DPYD: variants seen among roughly 807,000 people sequenced by gnomAD.
The protein encoded by DPYD is dihydropyrimidine dehydrogenase.
Under a neutral mutation model 116.2 loss-of-function variants are expected in DPYD, and 109 were observed. That is an observed-to-expected ratio of 0.94 (90% CI 0.80 to 1.10). DPYD has a LOEUF of 1.10. DPYD is among the 50% of genes least tolerant of loss of function. The pLI is 0.00. For missense variants in DPYD, 1,302 were observed against 1,254.5 expected (o/e 1.04, Z -0.57); for synonymous variants, 440 against 432.0 (o/e 1.02, Z -0.23).
intron 3 of DPYD, among the ~76,000 whole-genome samples, chr1:97,757,113 C>T (rs1031193020): frequency 2.0e-5 from 3 of 152,100 alleles, no homozygotes; most frequent in Non-Finnish European, 2.9e-5. Context: ...ATTCATTCAA[C>T]GAATATTGTT....
At chr1:97,267,772 G>A (rs1664329675) in intron 18 of DPYD, among the ~76,000 whole-genome samples, 1 of 151,920 alleles carries the variant, frequency 6.6e-6, no homozygotes, top group Non-Finnish European at 1.5e-5. Flanking sequence ...TGCTTTTGGG[G>A]GACACATTCA....
At chr1:97,848,641 A>C (rs1441770077) in intron 2 of DPYD, among the ~76,000 whole-genome samples, 1 of 152,204 alleles carries the variant, frequency 6.6e-6, no homozygotes, top group Non-Finnish European at 1.5e-5. Context: ...GCTTAATTTG[A>C]TATGAATCAG....
At chr1:97,846,000 C>T (rs1449485251) in intron 2 of DPYD, among the ~76,000 whole-genome samples, 1 of 152,226 alleles carries the variant, frequency 6.6e-6, no homozygotes, top group African/African-American at 2.4e-5. Flanking sequence ...ACCCCACACT[C>T]ACTCACTCAC....
intron 14 of DPYD, among the ~76,000 whole-genome samples, chr1:97,422,388 G>A (rs1674634374): frequency 6.6e-6 from 1 of 152,146 alleles, no homozygotes; most frequent in African/African-American, 2.4e-5. Flanking sequence ...CTTTGAATTA[G>A]AAAGCTAAGG....
At chr1:97,640,912 T>C (rs890789856) in intron 8 of DPYD, among the ~76,000 whole-genome samples, 5 of 152,178 alleles carry the variant, frequency 3.3e-5, no homozygotes, top group Non-Finnish European at 7.4e-5. Context: ...AGATATGACA[T>C]TTAGTATAAG....
chr1:97,151,460 G>C (rs898948736), intron 20 of DPYD, among the ~76,000 whole-genome samples: 1 of 152,076 alleles, frequency 6.6e-6, no homozygotes, highest in Admixed American at 6.6e-5. Context: ...GATCACCTGA[G>C]GTCAGGAGTT....
chr1:97,488,157 A>AT (rs1040493553), intron 13 of DPYD, among the ~76,000 whole-genome samples: 3 of 151,986 alleles, frequency 2.0e-5, no homozygotes, highest in Admixed American at 2.0e-4. Context: ...TATGATGCTT[A>AT]TTTTTTTTAA....
At chr1:97,765,116 A>G (rs1239231236) in intron 3 of DPYD, among the ~76,000 whole-genome samples, 1 of 152,214 alleles carries the variant, frequency 6.6e-6, no homozygotes, top group Non-Finnish European at 1.5e-5. Context: ...AAGCTTAAAA[A>G]TATAAATGCC....
intron 14 of DPYD, among the ~76,000 whole-genome samples, chr1:97,396,643 T>C (rs993109213): frequency 2.6e-5 from 4 of 152,078 alleles, no homozygotes; most frequent in Non-Finnish European, 5.9e-5. Flanking sequence ...TAGGGTAGTA[T>C]TGGCCCTTTA....
chr1:97,308,432 C>T (rs930151717), intron 16 of DPYD: 1 of 151,702 alleles, frequency 6.6e-6, no homozygotes, highest in African/African-American at 2.4e-5. Context: ...AGGGTAAGTA[C>T]AGTTTGGCTA....
chr1:97,558,271 T>A (rs575856198), intron 11 of DPYD, among the ~76,000 whole-genome samples: 145 of 152,298 alleles, frequency 9.5e-4, no homozygotes, highest in African/African-American at 3.4e-3. Flanking sequence ...TAAGTTCAGA[T>A]AACTTATTTA....
intron 20 of DPYD, among the ~76,000 whole-genome samples, chr1:97,173,256 G>T (rs1339347559): frequency 1.4e-5 from 2 of 146,344 alleles, no homozygotes; most frequent in African/African-American, 2.6e-5. Flanking sequence ...GTACATATAT[G>T]CACACATATG....
chr1:97,327,379 T>G (rs1224905109), intron 16 of DPYD, among the ~76,000 whole-genome samples: 1 of 152,052 alleles, frequency 6.6e-6, no homozygotes, highest in Non-Finnish European at 1.5e-5. Context: ...AAGAAACAAC[T>G]ATTTACCATA....
chr1:97,661,990 CT>C (rs374466952), intron 8 of DPYD, among the ~76,000 whole-genome samples: 1,484 of 116,622 alleles, frequency 0.013, 11 homozygotes, highest in African/African-American at 0.033. Flanking sequence ...TCCAAGTCAA[CT>C]TTTTTTTTTT....
chr1:97,341,280 C>T (rs1398730488), intron 16 of DPYD, among the ~76,000 whole-genome samples: 2 of 151,524 alleles, frequency 1.3e-5, no homozygotes, highest in African/African-American at 2.4e-5. Flanking sequence ...CATATACATG[C>T]GGACATGTAT....
At chr1:97,592,075 T>G (rs1296136764) in intron 10 of DPYD, among the ~76,000 whole-genome samples, 1 of 152,208 alleles carries the variant, frequency 6.6e-6, no homozygotes, top group Non-Finnish European at 1.5e-5. Flanking sequence ...AATCTACATA[T>G]GACAAATTAC....
At chr1:97,635,323 GCA>G (rs1657499640) in intron 8 of DPYD, among the ~76,000 whole-genome samples, 1 of 152,062 alleles carries the variant, frequency 6.6e-6, no homozygotes, top group Non-Finnish European at 1.5e-5. Flanking sequence ...CCTTTGTGAG[GCA>G]CAGTCTATTC....
At chr1:97,684,829 G>C (rs1002002597) in intron 7 of DPYD, among the ~76,000 whole-genome samples, 1 of 152,092 alleles carries the variant, frequency 6.6e-6, no homozygotes, top group African/African-American at 2.4e-5. Flanking sequence ...CCAATAACAA[G>C]TTCTGAAATT....
intron 16 of DPYD, among the ~76,000 whole-genome samples, chr1:97,323,600 GTGTATATATACACGTATATATACA>G: frequency 1.3e-5 from 1 of 74,246 alleles, no homozygotes; most frequent in African/African-American, 4.5e-5. Flanking sequence ...ATACATATAT[GTGTATATATACACGTATATATACA>G]TATCATATAT....
Sources: allele counts gnomAD v4.1 joint callset (sites outside exome capture counted in the v4.1 genomes callset), GRCh38; gene constraint gnomAD v4.1.1; transcripts MANE v1.5; gene names NCBI Gene and HGNC (gene_info 2026-07-23, HGNC 2026-07-21).